P4HA3: variants seen among roughly 807,000 people sequenced by gnomAD.
P4HA3 encodes prolyl 4-hydroxylase subunit alpha 3.
Under a neutral mutation model 66.7 loss-of-function variants are expected in P4HA3, and 60 were observed. The observed-to-expected ratio is 0.90, with a 90% CI of 0.73 to 1.12. The LOEUF is 1.12. Ranked by LOEUF, P4HA3 falls within the 50% of genes most tolerant of loss-of-function variation. The pLI, the probability that P4HA3 is intolerant of heterozygous loss-of-function variation, is 0.00. For missense variants in P4HA3, 683 were observed against 685.8 expected (o/e 1.00, Z 0.05); for synonymous variants, 263 against 274.6 (o/e 0.96, Z 0.42).
chr11:74,287,126 C>A (rs767801050), intron 5 of P4HA3: 17 of 1,209,504 alleles, frequency 1.4e-5, no homozygotes, highest in Admixed American at 3.1e-5. Context: ...CTGTTTGTAC[C>A]CACTTTGGCT....
rs1290415729 is a variant in P4HA3 at position 74,289,059 on chromosome 11, A to C, written c.769+20T>G. On this transcript the variant is annotated intron_variant, in intron 5 of 12. Coordinates refer to ENST00000331597, the MANE Select transcript of P4HA3 (RefSeq NM_182904.5). ...CGTAAATCAGACCTGTGGCTGGCTT[A>C]TCTTTTATCCATTACGTACTGTAGA... 8.4e-5 allele frequency: 127 copies of C among 1,517,758 alleles called. No homozygotes were observed. The highest frequency in any genetic ancestry group is 1.1e-4 in the Non-Finnish European group (124 of 1,131,106). The allele number at this position is 1,517,758 out of a possible 1,614,324, so 94.0% of individuals were successfully genotyped here.
chr11:74,276,939 C>T (rs1467486745), intron 9 of P4HA3, 46 bp downstream of exon 9: 5 of 1,561,172 alleles, frequency 3.2e-6, no homozygotes, highest in African/African-American at 1.4e-5. Flanking sequence ...ATAAATAATG[C>T]CCTGGCTCCC....
In P4HA3 at chr11:74,302,412, C is replaced by T. The variant is rs1455218639; in HGVS notation, c.524G>A (p.Arg175Gln). 1.4e-5 allele frequency: 23 copies of T among 1,613,798 alleles called. No individual in the cohort carries two copies. The highest frequency in any genetic ancestry group is 2.2e-5 in the East Asian group (1 of 44,884). ...GTCATCCCCTGTGAGAGAAAAGAGC[C>T]GTTTGGGGCTGTACAGGTCAGTGAT... ...SAITDLYSPK[R>Q]LFSLTGDDCF... Residue 175 changes from arginine (R) to glutamine (Q), a missense_variant, in exon 3 of 13, where the codon CGG becomes CAG. By Grantham distance (43) the Arg-to-Gln change is conservative (BLOSUM62 1). Transcript: ENST00000331597.
intron 9 of P4HA3, 109 bp downstream of exon 9, chr11:74,276,876 T>C: frequency 8.3e-7 from 1 of 1,199,436 alleles, no homozygotes; most frequent in Non-Finnish European, 1.1e-6. Flanking sequence ...ACCTTTGTTC[T>C]AAGATTTCAC....
At chr11:74,254,466 C>G (rs1279059864) in intron 15 of P4HA3, 2 of 152,890 alleles carry the variant, frequency 1.3e-5, no homozygotes. Flanking sequence ...CCAGCTGCCT[C>G]GACACAGCAC....
chr11:74,288,396 G>A (rs1303758609), intron 5 of P4HA3, among the ~76,000 whole-genome samples: 1 of 152,154 alleles, frequency 6.6e-6, no homozygotes, highest in Non-Finnish European at 1.5e-5. Context: ...CGTACATAGT[G>A]CACACTGATT....
intron 5 of P4HA3, among the ~76,000 whole-genome samples, chr11:74,286,662 G>A (rs1485451057): frequency 2.6e-5 from 4 of 152,170 alleles, no homozygotes; most frequent in Non-Finnish European, 4.4e-5. Flanking sequence ...CTTAGGCCAA[G>A]GGATCATGAA....
chr11:74,297,419 A>G (rs1365494925), intron 4 of P4HA3, among the ~76,000 whole-genome samples: 1 of 152,202 alleles, frequency 6.6e-6, no homozygotes, highest in African/African-American at 2.4e-5. Flanking sequence ...AGGAAAAAAA[A>G]GGTAGGGAGC....
intron 15 of P4HA3, chr11:74,251,901 T>A: frequency 1.2e-6 from 1 of 826,486 alleles, no homozygotes; most frequent in Non-Finnish European, 2.1e-6. Context: ...TGTTTCTTTG[T>A]GCTGTGCTCC....
rs539256211 is a variant in P4HA3, at chr11:74,298,213, C to T, written c.716G>A (p.Arg239Gln). Residue 239 changes from arginine to glutamine, a missense_variant and splice_region_variant, in exon 4 of 13, where the codon CGG becomes CAG. Physicochemically the swap from Arg to Gln is conservative, Grantham distance 43 (BLOSUM62 1). Transcript: ENST00000331597. ...AGTGAGCTTCACTTACTCCCTTACC[C>T]GGAAATAAGCAAAGGCCAAGTGATC... ...ALDHLAFAYF[R>Q]AGNVSCALSL... 197 of 1,613,188 alleles carry T rather than the reference C, an allele frequency of 1.2e-4. 3 individuals carry two copies. The South Asian group carries it at 1.7e-3, about 14-fold the overall frequency.
At chr11:74,279,714 T>A (rs1321543177) in intron 7 of P4HA3, among the ~76,000 whole-genome samples, 1 of 152,210 alleles carries the variant, frequency 6.6e-6, no homozygotes, top group Non-Finnish European at 1.5e-5. Flanking sequence ...CAATAAAAGT[T>A]TGCTGAGTTG....
intron 1 of P4HA3, among the ~76,000 whole-genome samples, chr11:74,307,796 A>G (rs181620513): frequency 6.6e-5 from 10 of 152,186 alleles, no homozygotes; most frequent in Admixed American, 2.0e-4. Flanking sequence ...AGGTTATCCA[A>G]CCACAATACA....
At chr11:74,263,016 C>T (rs1424192958), downstream of P4HA3, among the ~76,000 whole-genome samples, 1 of 152,240 alleles carries the variant, frequency 6.6e-6, no homozygotes, top group Non-Finnish European at 1.5e-5. Context: ...TTACTCTTTC[C>T]ATGTGTTCCT....
chr11:74,276,323 G>C (rs756698320), intron 9 of P4HA3, among the ~76,000 whole-genome samples: 3 of 152,204 alleles, frequency 2.0e-5, no homozygotes, highest in African/African-American at 7.2e-5. Context: ...AGCACTTTGG[G>C]AGACTGAGGT....
At chr11:74,302,135 G>A (rs570932817) in intron 3 of P4HA3, among the ~76,000 whole-genome samples, 55 of 152,266 alleles carry the variant, frequency 3.6e-4, no homozygotes, top group African/African-American at 1.3e-3. Flanking sequence ...AAGGGCCTGA[G>A]ATTTGGAGTC....
intron 6 of P4HA3, 86 bp downstream of exon 6, chr11:74,286,142 G>T: frequency 6.6e-7 from 1 of 1,523,848 alleles, no homozygotes. Context: ...TAATGCATCA[G>T]CTCTATCCCC....
At chr11:74,291,674 A>G (rs1364580057) in intron 4 of P4HA3, among the ~76,000 whole-genome samples, 1 of 152,206 alleles carries the variant, frequency 6.6e-6, no homozygotes, top group Non-Finnish European at 1.5e-5. Context: ...AATTTTGTCA[A>G]AGGACTTTTC....
downstream of P4HA3, among the ~76,000 whole-genome samples, chr11:74,262,698 G>A (rs112411668): frequency 2.0e-5 from 3 of 152,138 alleles, no homozygotes; most frequent in South Asian, 2.1e-4. Context: ...GCCCTTAGCC[G>A]ATTTCATAGT....
intron 4 of P4HA3, among the ~76,000 whole-genome samples, chr11:74,292,965 C>G (rs1006842221): frequency 1.3e-5 from 2 of 152,202 alleles, no homozygotes; most frequent in South Asian, 4.1e-4. Flanking sequence ...ATTAGGTCCA[C>G]TTGGTGCACA....
Sources: gnomAD v4.1 joint callset for allele counts (sites outside exome capture counted in the v4.1 genomes callset) on GRCh38, gnomAD v4.1.1 for gene constraint, MANE v1.5 for transcripts, NCBI Gene and HGNC (gene_info 2026-07-23, HGNC 2026-07-21) for gene names.